EPHA4: variants seen among roughly 807,000 people sequenced by gnomAD.
EPHA4 encodes ephrin type-A receptor 4.
Under a neutral mutation model 108.3 loss-of-function variants are expected in EPHA4, and 19 were observed. That is an observed-to-expected ratio of 0.18 (90% confidence interval 0.12 to 0.26). The LOEUF is 0.26. EPHA4 is among the 10% of genes least tolerant of loss of function. The probability of loss-of-function intolerance (pLI) is 1.00; values close to 1 mark genes in which losing one functional copy is unlikely to be tolerated. For synonymous variants in EPHA4, 449 were observed against 455.5 expected, an observed-to-expected ratio of 0.99 and a Z score of 0.18; for missense variants, 917 against 1,254.0, an observed-to-expected ratio of 0.73 and a Z score of 4.06.
Position 221,482,561 on chromosome 2 carries a change from C to T in EPHA4, c.1109G>A (p.Gly370Glu), listed in dbSNP as rs756952113. 4.3e-6 allele frequency: 7 copies of T among 1,614,036 alleles called. No homozygotes were observed. Among genetic ancestry groups the T allele is most frequent in the Non-Finnish European group, 8.5e-7 (1 of 1,179,986 alleles). Residue 370 changes from glycine (G) to glutamate (E), a missense_variant, in exon 5 of 18, where the codon GGA becomes GAA. Transcript: ENST00000281821. ...ISYNVVCKKCGAGDPSKCRPC... is the reference protein window; with the variant it reads ...ISYNVVCKKCEAGDPSKCRPC... ...TCGGCACTTGCTGGGGTCACCAGCT[C>T]CACATTTCTTGCATACCACATTATA...
intron 3 of EPHA4, among the ~76,000 whole-genome samples, chr2:221,552,319 T>C (rs1052966137): frequency 1.3e-5 from 2 of 152,138 alleles, no homozygotes; most frequent in Middle Eastern, 3.2e-3. Context: ...TCTAATCCTC[T>C]CCATAATTAC....
At position 221,434,238 on chromosome 2, in the gene EPHA4, T is replaced by C; in HGVS notation, c.2400A>G (p.Lys800=). 6.2e-7 allele frequency: 1 copy of C among 1,614,174 alleles called. No individual in the cohort carries two copies. Among genetic ancestry groups the C allele is most frequent in the Middle Eastern group, 1.6e-4 (1 of 6,062 alleles). ...WTAPEAIAYR[K]FTSASDVWSY... is the part of the protein sequence containing the mutation. ...TCCATACATCACTTGCTGATGTGAA[T>C]TTACGATAGGCAATTGCTTCTGGCG... Residue 800 remains lysine (K), a synonymous_variant, in exon 14 of 18, where the codon AAA becomes AAG. Coordinates refer to ENST00000281821, the MANE Select transcript of EPHA4 (RefSeq NM_004438.5).
At chr2:221,499,033 G>A (rs909121950) in intron 4 of EPHA4, among the ~76,000 whole-genome samples, 2 of 150,678 alleles carry the variant, frequency 1.3e-5, no homozygotes, top group African/African-American at 2.4e-5. Flanking sequence ...TCAATAATCC[G>A]CCTGCCTCGG....
At position 221,518,735 on chromosome 2, in the gene EPHA4, A is replaced by G. The variant is rs184247975; in HGVS notation, c.824-17563T>C. ...CCATTGTGACTTACATTTCCCTTCA[A>G]ACAGCCTTGCAACATTATGGGCTTG... On this transcript the variant is annotated intron_variant, in intron 3 of 17. Coordinates refer to ENST00000281821, the MANE Select transcript of EPHA4 (RefSeq NM_004438.5). Among the ~76,000 whole-genome samples the G allele has an allele frequency of 2.2e-4, 33 of 152,292 alleles. 1 individual carries two copies. The highest frequency in any genetic ancestry group is 2.0e-3 in the Admixed American group (30 of 15,292).
intron 5 of EPHA4, among the ~76,000 whole-genome samples, chr2:221,462,080 G>C (rs914137546): frequency 5.3e-5 from 8 of 150,906 alleles, no homozygotes; most frequent in Non-Finnish European, 1.2e-4. Context: ...TCATAGAGGA[G>C]ATACTTGTTT....
chr2:221,548,303 G>A (rs1268986227), intron 3 of EPHA4, among the ~76,000 whole-genome samples: 1 of 151,912 alleles, frequency 6.6e-6, no homozygotes, highest in Non-Finnish European at 1.5e-5. Flanking sequence ...GTTGCAGTGA[G>A]CCAAGATCAC....
At chr2:221,551,616 C>T (rs1040683185) in intron 3 of EPHA4, among the ~76,000 whole-genome samples, 1 of 151,976 alleles carries the variant, frequency 6.6e-6, no homozygotes. Context: ...AGTTGTAGCT[C>T]CAACATGTTG....
rs1025368195 is a variant in EPHA4 at position 221,436,273 on chromosome 2, T to C, written c.2346+126A>G. On this transcript the variant is annotated intron_variant, in intron 13 of 17. Coordinates refer to ENST00000281821, the MANE Select transcript of EPHA4 (RefSeq NM_004438.5). Reference sequence around the variant, plus strand: ...TGGTTTAAAAATGGATGCAGGAATATGAGGAGGCTTCAAGGGATGAGAAAA... The same window carrying C: ...TGGTTTAAAAATGGATGCAGGAATACGAGGAGGCTTCAAGGGATGAGAAAA... 30 of 788,456 alleles carry C rather than the reference T, an allele frequency of 3.8e-5. No individual in the cohort carries two copies. The African/African-American group carries it at 4.7e-4, about 12-fold the overall frequency. The allele number at this position is 788,456 out of a possible 1,614,324, so 48.8% of individuals were successfully genotyped here.
chr2:221,522,773 A>AT (rs1553585438), intron 3 of EPHA4, among the ~76,000 whole-genome samples: 2 of 123,180 alleles, frequency 1.6e-5, no homozygotes, highest in Non-Finnish European at 3.6e-5. Context: ...TATTATTATT[A>AT]TTTTTTTGAG....
chr2:221,548,093 C>T (rs1574651789), intron 3 of EPHA4, among the ~76,000 whole-genome samples: 3 of 152,188 alleles, frequency 2.0e-5, no homozygotes, highest in Admixed American at 6.5e-5. Flanking sequence ...GGGAGGTGAT[C>T]GGATCATGGG....
At chr2:221,523,122 T>C (rs1378725441) in intron 3 of EPHA4, among the ~76,000 whole-genome samples, 1 of 151,918 alleles carries the variant, frequency 6.6e-6, no homozygotes, top group African/African-American at 2.4e-5. Context: ...GTACTTCCAA[T>C]ATACCTTCCT....
rs10201273 is a variant in EPHA4 at position 221,511,052 on chromosome 2, G to A, written c.824-9880C>T. The stretch of plus-strand genomic sequence containing the variant: ...CAGGGCTCCATACAAAAGCAATGAG[G>A]CCACCAAATTTCCATGGAAGTAACT... On this transcript the variant is annotated intron_variant, in intron 3 of 17. Transcript: ENST00000281821. 5.2e-3 allele frequency among the ~76,000 whole-genome samples: 789 copies of A among 152,240 alleles called. 8 individuals carry two copies. The highest frequency in any genetic ancestry group is 0.018 in the African/African-American group (752 of 41,548).
At chr2:221,457,582 T>A (rs1210067639) in intron 6 of EPHA4, among the ~76,000 whole-genome samples, 4 of 152,226 alleles carry the variant, frequency 2.6e-5, no homozygotes, top group Non-Finnish European at 5.9e-5. Flanking sequence ...ATCATTATTG[T>A]TATTTTCTAC....
intron 4 of EPHA4, among the ~76,000 whole-genome samples, chr2:221,486,463 G>T (rs548112647): frequency 7.2e-5 from 11 of 152,212 alleles, no homozygotes; most frequent in African/African-American, 2.6e-4. Flanking sequence ...GGGCACAGTG[G>T]CTCACGCCTA....
At chr2:221,433,576 T>A (rs1010364483) in intron 14 of EPHA4, among the ~76,000 whole-genome samples, 1 of 152,192 alleles carries the variant, frequency 6.6e-6, no homozygotes, top group East Asian at 1.9e-4. Flanking sequence ...AGTGTCATTA[T>A]TGAATCCTTT....
At chr2:221,543,102 T>C (rs1027891108) in intron 3 of EPHA4, among the ~76,000 whole-genome samples, 18 of 152,202 alleles carry the variant, frequency 1.2e-4, no homozygotes, top group African/African-American at 4.3e-4. Flanking sequence ...GAAGCTTTTC[T>C]AAAAAATGCA....
chr2:221,470,643 C>T (rs570782047), intron 5 of EPHA4, among the ~76,000 whole-genome samples: 1 of 147,336 alleles, frequency 6.8e-6, no homozygotes, highest in East Asian at 2.0e-4. Flanking sequence ...TTTAGGGAAC[C>T]TTTTTTATAA....
At chr2:221,536,337 T>G (rs537215059) in intron 3 of EPHA4, among the ~76,000 whole-genome samples, 17 of 152,298 alleles carry the variant, frequency 1.1e-4, no homozygotes, top group Non-Finnish European at 2.4e-4. Flanking sequence ...TTATAAGCCT[T>G]TTGGAAATGT....
At position 221,419,302 on chromosome 2, in the gene EPHA4, T is replaced by C. The variant is rs958672262; in HGVS notation, c.*2070A>G. 6.6e-6 allele frequency: 1 copy of C among 152,618 alleles called. No individual in the cohort carries two copies. Among genetic ancestry groups the C allele is most frequent in the African/African-American group, 2.4e-5 (1 of 41,434 alleles). The allele number at this position is 152,618 out of a possible 1,614,324, so 9.5% of individuals were successfully genotyped here. ...ATTAATTACTGTAGAACTTTCCAGG[T>C]AATTAGGGAATGTGAAATTGCCTGA... is the stretch of plus-strand genomic sequence containing the variant. On this transcript the variant is annotated 3_prime_UTR_variant, in exon 18 of 18. Coordinates refer to ENST00000281821, the MANE Select transcript of EPHA4 (RefSeq NM_004438.5).
Sources: allele counts gnomAD v4.1 joint callset (sites outside exome capture counted in the v4.1 genomes callset), GRCh38; gene constraint gnomAD v4.1.1; transcripts MANE v1.5; gene names NCBI Gene and HGNC (gene_info 2026-07-23, HGNC 2026-07-21).